Variants in WWOX observed in about 807,000 individuals in gnomAD.
WWOX encodes WW domain containing oxidoreductase.
A neutral mutation model predicts 46.2 loss-of-function variants in WWOX; 69 were observed. The observed-to-expected ratio is 1.49, with a 90% CI of 1.23 to 1.82. The LOEUF is 1.82. Among genes scored for constraint, WWOX ranks in the 40% most tolerant of loss-of-function variants. The pLI, the probability that WWOX is intolerant of heterozygous loss-of-function variation, is 0.00. For synonymous variants in WWOX, 359 were observed against 202.6 expected (o/e 1.77, Z -6.56); for missense variants, 919 against 542.6 (o/e 1.69, Z -6.89).
chr16:79,012,333 A>G (rs547164737), intron 8 of WWOX, among the ~76,000 whole-genome samples: 2 of 152,192 alleles, frequency 1.3e-5, no homozygotes, highest in African/African-American at 2.4e-5. Flanking sequence ...CCTGGATTCA[A>G]GTAATTCTCC....
chr16:78,484,188 C>T (rs1180211612), intron 8 of WWOX, among the ~76,000 whole-genome samples: 1 of 152,052 alleles, frequency 6.6e-6, no homozygotes, highest in Non-Finnish European at 1.5e-5. Context: ...ATGATTATTA[C>T]TGCATAGGCT....
intron 8 of WWOX, among the ~76,000 whole-genome samples, chr16:78,611,842 C>A (rs2045907677): frequency 6.6e-6 from 1 of 152,212 alleles, no homozygotes; most frequent in African/African-American, 2.4e-5. Flanking sequence ...ACCAAAGGAT[C>A]TTAAAGTTTC....
chr16:78,710,181 A>G (rs140614193), intron 8 of WWOX, among the ~76,000 whole-genome samples: 1,946 of 152,066 alleles, frequency 0.013, 18 homozygotes, highest in South Asian at 0.036. Context: ...GCCTAAGAAC[A>G]GGCTTTCCCC....
chr16:78,606,688 C>T (rs868265900), intron 8 of WWOX, among the ~76,000 whole-genome samples: 18 of 145,722 alleles, frequency 1.2e-4, no homozygotes, highest in Admixed American at 8.3e-4. Flanking sequence ...CCGATTAGGA[C>T]GACTGAAAGG....
chr16:78,435,378 C>G (rs1221857606), intron 8 of WWOX, among the ~76,000 whole-genome samples: 2 of 152,208 alleles, frequency 1.3e-5, no homozygotes, highest in African/African-American at 4.8e-5. Flanking sequence ...GGCAGGAGAG[C>G]TCAGAGACTA....
chr16:78,134,821 A>T (rs1158340969), intron 4 of WWOX, among the ~76,000 whole-genome samples: 2 of 152,200 alleles, frequency 1.3e-5, no homozygotes, highest in Non-Finnish European at 2.9e-5. Context: ...TCCATGTTAG[A>T]TGTGAAAAGA....
At chr16:79,118,618 T>A (rs1044010653) in intron 8 of WWOX, among the ~76,000 whole-genome samples, 5 of 152,194 alleles carry the variant, frequency 3.3e-5, no homozygotes, top group Non-Finnish European at 7.3e-5. Context: ...CGATAATACA[T>A]ACAGCTCAGT....
At chr16:79,193,272 T>C (rs1272168678) in intron 8 of WWOX, among the ~76,000 whole-genome samples, 1 of 152,188 alleles carries the variant, frequency 6.6e-6, no homozygotes, top group African/African-American at 2.4e-5. Context: ...AAAATGACCA[T>C]AATAGTAAGC....
intron 8 of WWOX, among the ~76,000 whole-genome samples, chr16:78,466,151 C>T (rs532840207): frequency 6.6e-6 from 1 of 152,000 alleles, no homozygotes; most frequent in Non-Finnish European, 1.5e-5. Context: ...CCTGCCTCAG[C>T]CTTCCTAGTA....
chr16:78,298,483 A>C (rs2079979924), intron 5 of WWOX, among the ~76,000 whole-genome samples: 1 of 152,044 alleles, frequency 6.6e-6, no homozygotes, highest in African/African-American at 2.4e-5. Context: ...TTTCTCCTGT[A>C]AATTGGGATT....
At position 78,775,282 on chromosome 16, in the gene WWOX, T is replaced by C. The variant is rs139115724; in HGVS notation, c.1056+342530T>C. 3.8e-3 allele frequency among the ~76,000 whole-genome samples: 580 copies of C among 152,258 alleles called. 6 individuals are homozygous for C. Among genetic ancestry groups the C allele is most frequent in the South Asian group, 0.02 (97 of 4,824 alleles). ...CAAAAATATCTTGTGGGTTTGAAAT[T>C]TATGAGTGTTTTGACTGTTCACAGC... On this transcript the variant is annotated intron_variant, in intron 8 of 8. Transcript: ENST00000566780.
chr16:78,620,452 T>A (rs2046150520), intron 8 of WWOX, among the ~76,000 whole-genome samples: 1 of 152,164 alleles, frequency 6.6e-6, no homozygotes. Context: ...AGGCCGAAAC[T>A]TGGTCCCTGG....
chr16:78,608,176 C>T (rs1567432896), intron 8 of WWOX, among the ~76,000 whole-genome samples: 3 of 152,038 alleles, frequency 2.0e-5, no homozygotes, highest in Admixed American at 6.6e-5. Context: ...CGGGGCCCTT[C>T]CTGGTAAATC....
chr16:79,168,160 C>G (rs1689214770), intron 8 of WWOX, among the ~76,000 whole-genome samples: 1 of 152,120 alleles, frequency 6.6e-6, no homozygotes. Flanking sequence ...TTTCCGCCTT[C>G]TAGGTATAAT....
intron 8 of WWOX, among the ~76,000 whole-genome samples, chr16:78,596,564 C>T (rs2045495886): frequency 6.6e-6 from 1 of 151,998 alleles, no homozygotes; most frequent in Admixed American, 6.6e-5. Context: ...AGACTGGGGA[C>T]AGGACAGGTG....
intron 8 of WWOX, among the ~76,000 whole-genome samples, chr16:78,762,646 G>A (rs78640605): frequency 0.014 from 2,089 of 152,272 alleles, 42 homozygotes; most frequent in African/African-American, 0.047. Context: ...GAGACTGCCC[G>A]TTGGAGCTTA....
intron 8 of WWOX, among the ~76,000 whole-genome samples, chr16:79,003,393 T>G (rs996471553): frequency 3.3e-5 from 5 of 152,202 alleles, no homozygotes; most frequent in Admixed American, 2.0e-4. Flanking sequence ...CATCCTCCCA[T>G]TATCACCGTG....
intron 7 of WWOX, among the ~76,000 whole-genome samples, chr16:78,430,898 G>C (rs2083201963): frequency 6.6e-6 from 1 of 152,120 alleles, no homozygotes; most frequent in African/African-American, 2.4e-5. Flanking sequence ...CCCAACCTGA[G>C]CTGCTGATAT....
chr16:78,257,098 A>T (rs1317387449), intron 5 of WWOX, among the ~76,000 whole-genome samples: 1 of 151,986 alleles, frequency 6.6e-6, no homozygotes. Context: ...AACCACATAC[A>T]GGCTCGTGGC....
Sources: gnomAD v4.1 joint callset for allele counts (sites outside exome capture counted in the v4.1 genomes callset) on GRCh38, gnomAD v4.1.1 for gene constraint, MANE v1.5 for transcripts, NCBI Gene and HGNC (gene_info 2026-07-23, HGNC 2026-07-21) for gene names.